Variants in TENM1 observed in about 807,000 individuals in gnomAD.
TENM1 encodes teneurin-1.
TENM1 carries 35 observed loss-of-function variants against 174.8 expected under a neutral mutation model. The ratio of observed to expected loss-of-function variants is 0.20; its 90% confidence interval spans 0.15 to 0.27. TENM1 has a LOEUF of 0.27. Ranked by LOEUF, TENM1 falls within the 10% of genes least tolerant of loss-of-function variation. The pLI, the probability that TENM1 is intolerant of heterozygous loss-of-function variation, is 1.00. For synonymous variants in TENM1, 781 were observed against 798.7 expected (o/e 0.98, Z 0.37); for missense variants, 1,633 against 2,130.1 (o/e 0.77, Z 4.59).
rs183691883 is a variant in TENM1, at chrX:124,756,884, G to T, written c.536-19687C>A. On this transcript the variant is annotated intron_variant, in intron 3 of 31. Transcript: ENST00000422452. ...TCAGAGGAGTACCCGGCCGTGTGAG[G>T]TGTCAGTGTGCCCCTACTGGGGGGT... Among the ~76,000 whole-genome samples, 535 of 111,749 alleles carry T rather than the reference G, an allele frequency of 4.8e-3. 2 individuals are homozygous for T. Among genetic ancestry groups the T allele is most frequent in the African/African-American group, 0.016 (505 of 30,737 alleles).
the TENM1 span, among the ~76,000 whole-genome samples, chrX:125,139,810 A>AT: frequency 9.7e-6 from 1 of 102,979 alleles, no homozygotes; most frequent in Admixed American, 1.1e-4. Context: ...TCACACTGCA[A>AT]TTAGCTGCCC....
At chrX:124,408,768 G>A (rs1438949471) in intron 25 of TENM1, among the ~76,000 whole-genome samples, 15 of 103,815 alleles carry the variant, frequency 1.4e-4, no homozygotes, top group South Asian at 4.6e-4. Context: ...TGCTGCACCC[G>A]TTAACTCGTC....
intron 3 of TENM1, among the ~76,000 whole-genome samples, chrX:124,841,962 T>C (rs960707863): frequency 8.9e-6 from 1 of 112,432 alleles, no homozygotes. Context: ...ATGTTTGTAA[T>C]TGAATGGTTG....
At chrX:125,144,557 C>G in the TENM1 span, among the ~76,000 whole-genome samples, 8 of 111,357 alleles carry the variant, frequency 7.2e-5, no homozygotes, top group African/African-American at 2.3e-4. Flanking sequence ...ACATCTTAAT[C>G]ATCTTAACTA....
chrX:125,056,666 A>G, the TENM1 span, among the ~76,000 whole-genome samples: 2 of 111,225 alleles, frequency 1.8e-5, no homozygotes, highest in Non-Finnish European at 3.8e-5. Flanking sequence ...TGTAACCAGA[A>G]CAGCAGAACT....
At position 124,872,030 on chromosome X, in the gene TENM1, C is replaced by CAAAAAAAA. The variant is rs748541890; in HGVS notation, c.535+22258_535+22265dup. On this transcript the variant is annotated intron_variant, in intron 3 of 31. Transcript: ENST00000422452. ...CTGGCGACAGAGCGAGACTCTGTCT[C>CAAAAAAAA]AAAAAAAAAAAAAAAAAAAATAGAA... 6.4e-3 allele frequency among the ~76,000 whole-genome samples: 226 copies of CAAAAAAAA among 35,298 alleles called. 2 individuals carry two copies. The highest frequency in any genetic ancestry group is 0.022 in the African/African-American group (220 of 9,993). The allele number at this position is 35,298 out of a possible 115,157, so 30.7% of individuals were successfully genotyped here.
intron 3 of TENM1, among the ~76,000 whole-genome samples, chrX:124,855,458 C>T (rs5956704): frequency 0.065 from 7,228 of 110,950 alleles, 537 homozygotes; most frequent in African/African-American, 0.22. Flanking sequence ...CAAAAAAGAC[C>T]AAAATGAAGT....
chrX:124,922,094 T>C (rs1360233951), intron 1 of TENM1, among the ~76,000 whole-genome samples: 2 of 111,139 alleles, frequency 1.8e-5, no homozygotes, highest in Non-Finnish European at 3.8e-5. Context: ...TTTTCACTGG[T>C]GTATGAGAGT....
intron 6 of TENM1, among the ~76,000 whole-genome samples, chrX:124,667,704 T>G (rs1304329104): frequency 3.6e-5 from 4 of 111,334 alleles, no homozygotes; most frequent in African/African-American, 9.8e-5. Flanking sequence ...GAGATTTTTC[T>G]GGTAGATTAC....
At chrX:124,825,463 C>A (rs1229230623) in intron 3 of TENM1, among the ~76,000 whole-genome samples, 1 of 110,432 alleles carries the variant, frequency 9.1e-6, no homozygotes, top group Admixed American at 9.7e-5. Flanking sequence ...TCGTGCCCAG[C>A]TTCTTTGTCT....
chrX:124,798,954 C>T (rs1242886294), intron 3 of TENM1, among the ~76,000 whole-genome samples: 1 of 111,413 alleles, frequency 9.0e-6, no homozygotes, highest in Non-Finnish European at 1.9e-5. Context: ...GAATCCTTAC[C>T]CCATTGCTTT....
Position 124,894,311 on chromosome X carries a change from C to T in TENM1, c.520G>A (p.Ala174Thr), listed in dbSNP as rs144312425. 284 of 1,199,820 alleles carry T rather than the reference C, an allele frequency of 2.4e-4. 1 individual carries two copies. The African/African-American group carries it at 4.4e-3, about 18-fold the overall frequency. The change falls in exon 3 of 32, where the codon GCT (alanine) becomes ACT (threonine). Residue 174 changes from alanine (A) to threonine (T), a missense_variant. Around this residue, in one of 4 missense-constraint regions of TENM1, gnomAD observed 305 missense variants for 309.2 expected, o/e 0.99. Coordinates refer to ENST00000422452, the Ensembl canonical transcript of TENM1. ...AAACACTTGCCTTGAGTAGACCCAG[C>T]TTGAGCCTCCATGTCACAACAAACA...
chrX:124,517,519 G>A (rs1340597916), intron 18 of TENM1, among the ~76,000 whole-genome samples: 4 of 108,686 alleles, frequency 3.7e-5, no homozygotes, highest in East Asian at 5.9e-4. Flanking sequence ...GTAGGGACAC[G>A]GATGAAGCTG....
At chrX:124,543,810 T>C (rs1361670012) in intron 15 of TENM1, among the ~76,000 whole-genome samples, 1 of 112,423 alleles carries the variant, frequency 8.9e-6, no homozygotes, top group African/African-American at 3.2e-5. Flanking sequence ...CACGTTCACA[T>C]TGTTGTTACA....
At chrX:125,024,060 T>C in the TENM1 span, among the ~76,000 whole-genome samples, 1 of 111,631 alleles carries the variant, frequency 9.0e-6, no homozygotes. Context: ...ATGGCCATTA[T>C]TAAAAAGTTA....
chrX:124,386,984 T>C (rs2060226890), intron 28 of TENM1, among the ~76,000 whole-genome samples: 2 of 107,930 alleles, frequency 1.9e-5, no homozygotes, highest in Non-Finnish European at 3.8e-5. Context: ...TCAACGTGCA[T>C]ATGTTTCAGA....
chrX:124,907,353 A>G lies in TENM1; in HGVS notation c.218-11112T>C, dbSNP rs187268338. Reference sequence around the variant, plus strand: ...AAATCCTGAATGGCTAGATTGGTACAGACTAATGCAAACATGACCAACAAA... The same window carrying G: ...AAATCCTGAATGGCTAGATTGGTACGGACTAATGCAAACATGACCAACAAA... On this transcript the variant is annotated intron_variant, in intron 1 of 31. Transcript: ENST00000422452. 1.3e-4 allele frequency among the ~76,000 whole-genome samples: 15 copies of G among 112,561 alleles called. 1 individual carries two copies. The East Asian group carries it at 4.2e-3, about 32-fold the overall frequency.
rs1195673579 is a variant in TENM1, at chrX:124,896,116, C to T, written c.343G>A (p.Ala115Thr). 5.8e-6 allele frequency: 7 copies of T among 1,209,619 alleles called. No homozygotes were observed. The African/African-American group carries it at 1.2e-4, about 21-fold the overall frequency. Residue 115 changes from alanine to threonine, a missense_variant, in exon 2 of 32, where the codon GCC (alanine) becomes ACC (threonine). Ala to Thr is a moderately conservative substitution (Grantham distance 58). Around this residue, in one of 4 missense-constraint regions of TENM1, gnomAD observed 305 missense variants for 309.2 expected, o/e 0.99. Transcript: ENST00000422452. ...ATTCTTAGTGCATGGTCAGGTGAGG[C>T]AGCACCTTCTGTCTCTGTGTCCACA...
intron 8 of TENM1, among the ~76,000 whole-genome samples, chrX:124,649,309 A>G (rs187341350): frequency 1.8e-5 from 2 of 112,263 alleles, no homozygotes; most frequent in Admixed American, 1.9e-4. Context: ...AGTTATTCTC[A>G]TGGGAGAAAC....
Sources: allele counts gnomAD v4.1 joint callset (sites outside exome capture counted in the v4.1 genomes callset), GRCh38; gene constraint gnomAD v4.1.1; regional missense constraint gnomAD v4.1.1; transcripts MANE v1.5; gene names NCBI Gene and HGNC (gene_info 2026-07-23, HGNC 2026-07-21).